Variants in NRXN1 observed in about 807,000 individuals in gnomAD.
NRXN1 encodes the protein neurexin-1.
A neutral mutation model predicts 150.9 loss-of-function variants in NRXN1; 39 were observed. The observed-to-expected ratio is 0.26, with a 90% CI of 0.20 to 0.34. The LOEUF (loss-of-function observed/expected upper bound fraction) is 0.34. Among genes scored for constraint, NRXN1 ranks in the 10% least tolerant of loss-of-function variants. The probability of loss-of-function intolerance (pLI) is 1.00; values close to 1 mark genes in which losing one functional copy is unlikely to be tolerated. For missense variants in NRXN1, 1,815 were observed against 1,949.9 expected, an observed-to-expected ratio of 0.93 and a Z score of 1.30; for synonymous variants, 924 against 757.0, an observed-to-expected ratio of 1.22 and a Z score of -3.62.
chr2:50,412,006 A>G (rs2083222796), intron 17 of NRXN1, among the ~76,000 whole-genome samples: 1 of 152,166 alleles, frequency 6.6e-6, no homozygotes, highest in Non-Finnish European at 1.5e-5. Context: ...GTTGATCTAT[A>G]ACCTTACCCC....
intron 5 of NRXN1, among the ~76,000 whole-genome samples, chr2:50,787,523 T>C (rs533637602): frequency 1.1e-4 from 17 of 151,524 alleles, no homozygotes; most frequent in South Asian, 1.0e-3. Context: ...GATCACACCA[T>C]TGAAGCCTGG....
intron 8 of NRXN1, among the ~76,000 whole-genome samples, chr2:50,614,928 G>GTGT (rs1678825330): frequency 6.6e-6 from 1 of 152,080 alleles, no homozygotes; most frequent in Non-Finnish European, 1.5e-5. Flanking sequence ...CTGGTACACT[G>GTGT]TGATGTGGGC....
intron 17 of NRXN1, among the ~76,000 whole-genome samples, chr2:50,328,210 T>C (rs1332490281): frequency 6.6e-6 from 1 of 151,798 alleles, no homozygotes; most frequent in Non-Finnish European, 1.5e-5. Flanking sequence ...ATTTTTGTAA[T>C]TTTTTTTGTT....
rs199675644 is a variant in NRXN1 at position 50,818,114 on chromosome 2, CAAAAAAA to C, written c.832+103748_832+103754del. On this transcript the variant is annotated intron_variant, in intron 5 of 22. Transcript: ENST00000401669. ...GTAGAAAACCCTAAAGACTCCATAG[CAAAAAAA>C]AAAAAAAAAAAAAGTTGGAACTAAT... Among the ~76,000 whole-genome samples, 81 of 46,726 alleles carry C rather than the reference CAAAAAAA, an allele frequency of 1.7e-3. 1 individual carries two copies. The highest frequency in any genetic ancestry group is 4.0e-3 in the African/African-American group (51 of 12,890). 30.7% of individuals were successfully genotyped at this position (46,726 alleles called of 152,430 possible).
chr2:50,085,059 A>G (rs920687720), intron 19 of NRXN1, among the ~76,000 whole-genome samples: 1 of 152,352 alleles, frequency 6.6e-6, no homozygotes. Flanking sequence ...TTACTCAGCT[A>G]CTGTATTTGT....
At chr2:50,463,051 A>C (rs938767001) in intron 17 of NRXN1, among the ~76,000 whole-genome samples, 3 of 151,788 alleles carry the variant, frequency 2.0e-5, no homozygotes, top group Non-Finnish European at 4.4e-5. Context: ...CTAGAGATGA[A>C]AATTTCATTA....
chr2:50,678,705 G>C (rs922783806), intron 5 of NRXN1, among the ~76,000 whole-genome samples: 6 of 152,086 alleles, frequency 3.9e-5, no homozygotes, highest in African/African-American at 1.4e-4. Flanking sequence ...TGCTAGTGCA[G>C]ATAATATTCT....
intron 18 of NRXN1, among the ~76,000 whole-genome samples, chr2:50,190,992 A>C (rs1354364411): frequency 6.6e-6 from 1 of 151,942 alleles, no homozygotes; most frequent in Non-Finnish European, 1.5e-5. Context: ...AATCACAGAA[A>C]GTTGTGAAAA....
At chr2:50,556,922 T>C (rs1018504330) in intron 8 of NRXN1, among the ~76,000 whole-genome samples, 1 of 152,184 alleles carries the variant, frequency 6.6e-6, no homozygotes, top group African/African-American at 2.4e-5. Context: ...GAGCTTTTTT[T>C]ACCCTTAATA....
intron 2 of NRXN1, among the ~76,000 whole-genome samples, chr2:50,947,327 A>T (rs1015217034): frequency 6.6e-6 from 1 of 152,036 alleles, no homozygotes; most frequent in African/African-American, 2.4e-5. Context: ...TGAATCAGAC[A>T]TTTGTCAAAT....
rs184298959 is a variant in NRXN1, at chr2:50,342,910, G to A, written c.3365-105940C>T. ...ATGGTATGCCTCAGTATCCCTACAG[G>A]AAAATCACATTCAAACTCACTCTGA... On this transcript the variant is annotated intron_variant, in intron 17 of 22. Transcript: ENST00000401669. 1.3e-3 allele frequency among the ~76,000 whole-genome samples: 203 copies of A among 152,270 alleles called. 2 individuals are homozygous for A. Among genetic ancestry groups the A allele is most frequent in the Non-Finnish European group, 4.0e-4 (27 of 68,030 alleles).
At chr2:50,391,374 T>C (rs1157529369) in intron 17 of NRXN1, among the ~76,000 whole-genome samples, 1 of 152,098 alleles carries the variant, frequency 6.6e-6, no homozygotes, top group Non-Finnish European at 1.5e-5. Flanking sequence ...TTTATTAGAA[T>C]AGCAATATCA....
intron 21 of NRXN1, among the ~76,000 whole-genome samples, chr2:49,952,992 G>T (rs907247100): frequency 1.3e-5 from 2 of 151,940 alleles, no homozygotes; most frequent in African/African-American, 2.4e-5. Context: ...AATGACCTTC[G>T]AAGTGAAGGT....
intron 18 of NRXN1, among the ~76,000 whole-genome samples, chr2:50,188,592 C>A (rs1289500518): frequency 6.6e-6 from 1 of 151,888 alleles, no homozygotes; most frequent in African/African-American, 2.4e-5. Context: ...AGGTAACCTA[C>A]AGAATGGGAG....
intron 17 of NRXN1, among the ~76,000 whole-genome samples, chr2:50,256,969 C>T (rs775652651): frequency 1.3e-5 from 2 of 152,008 alleles, no homozygotes; most frequent in African/African-American, 2.4e-5. Flanking sequence ...GAATCTTATA[C>T]TGTGTTGAGA....
chr2:50,290,249 C>T (rs1048509894), intron 17 of NRXN1, among the ~76,000 whole-genome samples: 1 of 152,110 alleles, frequency 6.6e-6, no homozygotes, highest in Non-Finnish European at 1.5e-5. Flanking sequence ...TCATGTGGCA[C>T]TTAATTATTT....
intron 13 of NRXN1, among the ~76,000 whole-genome samples, chr2:50,500,285 A>C (rs921102831): frequency 7.9e-5 from 12 of 152,102 alleles, no homozygotes; most frequent in African/African-American, 2.9e-4. Context: ...ATATGCACAC[A>C]GAGCATAAAT....
intron 18 of NRXN1, among the ~76,000 whole-genome samples, chr2:50,128,802 G>T (rs1705001607): frequency 6.6e-6 from 1 of 151,810 alleles, no homozygotes; most frequent in Non-Finnish European, 1.5e-5. Context: ...GGCCAACATG[G>T]CGAAACCACA....
intron 5 of NRXN1, among the ~76,000 whole-genome samples, chr2:50,864,537 C>A (rs981833993): frequency 2.0e-5 from 3 of 151,968 alleles, no homozygotes; most frequent in African/African-American, 7.2e-5. Flanking sequence ...ATGCAGCAAG[C>A]ACTGATTACT....
Sources: gnomAD v4.1 joint callset for allele counts (sites outside exome capture counted in the v4.1 genomes callset) on GRCh38, gnomAD v4.1.1 for gene constraint, MANE v1.5 for transcripts, NCBI Gene and HGNC (gene_info 2026-07-23, HGNC 2026-07-21) for gene names.